The following FER variants were observed in gnomAD, a reference collection of about 807,000 sequenced individuals.
FER encodes FER tyrosine kinase.
A neutral mutation model predicts 111.0 loss-of-function variants in FER; 63 were observed. The ratio of observed to expected loss-of-function variants is 0.57; its 90% CI spans 0.46 to 0.70. The LOEUF (loss-of-function observed/expected upper bound fraction) is 0.70, where lower values mean the gene tolerates loss of function less well. Ranked by LOEUF, FER falls within the 30% of genes least tolerant of loss-of-function variation. FER has a pLI of 0.00. For missense variants in FER, 914 were observed against 954.0 expected, an observed-to-expected ratio of 0.96 and a Z score of 0.55; for synonymous variants, 327 against 313.9, an observed-to-expected ratio of 1.04 and a Z score of -0.44.
intron 13 of FER, among the ~76,000 whole-genome samples, chr5:108,992,208 T>A (rs1051933756): frequency 1.3e-5 from 2 of 152,210 alleles, no homozygotes; most frequent in African/African-American, 2.4e-5. Context: ...GTCACAGATC[T>A]ACAGGATCCC....
chr5:109,066,428 T>C (rs1561850281), intron 16 of FER, among the ~76,000 whole-genome samples: 1 of 152,194 alleles, frequency 6.6e-6, no homozygotes, highest in African/African-American at 2.4e-5. Flanking sequence ...TAGCACAAAA[T>C]TTATAAATAT....
intron 5 of FER, among the ~76,000 whole-genome samples, chr5:108,855,815 G>A (rs918686271): frequency 3.3e-5 from 5 of 152,074 alleles, no homozygotes; most frequent in African/African-American, 4.8e-5. Context: ...GTAGTACAGG[G>A]AAAACCCTAA....
In FER at chr5:109,139,350, C is replaced by CTTTTTTTTTTT. The variant is rs59092426; in HGVS notation, c.2048+38839_2048+38849dup. Among the ~76,000 whole-genome samples the CTTTTTTTTTTT allele has an allele frequency of 9.2e-4, 84 of 91,084 alleles. 1 individual carries two copies. The highest frequency in any genetic ancestry group is 5.4e-3 in the Middle Eastern group (1 of 186). The allele number at this position is 91,084 out of a possible 152,430, so 59.8% of individuals were successfully genotyped here. A position where few individuals can be genotyped will look rare whatever the true frequency, so the allele number is the denominator to read the frequency against. ...TGTCTTTACTTCTCCTTCTTTCTTT[C>CTTTTTTTTTTT]TTTTTTTTTTTTTTTTTTGAGGCAG... On this transcript the variant is annotated intron_variant, in intron 17 of 19. Transcript: ENST00000281092.
chr5:108,801,680 G>A (rs771217851), intron 3 of FER, among the ~76,000 whole-genome samples: 1 of 152,070 alleles, frequency 6.6e-6, no homozygotes, highest in Non-Finnish European at 1.5e-5. Context: ...TTTCACAGTT[G>A]CATGGATAGA....
chr5:108,946,370 G>A, intron 11 of FER, 148 bp downstream of exon 11: 2 of 510,648 alleles, frequency 3.9e-6, no homozygotes, highest in South Asian at 3.8e-5. Flanking sequence ...AAAGATAAGT[G>A]CATAATTTAA....
intron 16 of FER, among the ~76,000 whole-genome samples, chr5:109,064,621 T>C (rs905070405): frequency 6.6e-6 from 1 of 152,178 alleles, no homozygotes; most frequent in African/African-American, 2.4e-5. Flanking sequence ...CTGAGTAGTA[T>C]TACTCGTAGG....
At chr5:109,041,880 G>A (rs188031598) in intron 14 of FER, among the ~76,000 whole-genome samples, 49 of 152,244 alleles carry the variant, frequency 3.2e-4, no homozygotes, top group African/African-American at 9.9e-4. Context: ...AGAACACTGT[G>A]TTCTATCTGC....
chr5:108,948,820 G>C (rs1757350415), intron 11 of FER, among the ~76,000 whole-genome samples: 1 of 152,012 alleles, frequency 6.6e-6, no homozygotes, highest in Non-Finnish European at 1.5e-5. Context: ...GATATATGGA[G>C]TGAATAATGC....
At chr5:109,109,995 C>A (rs921734727) in intron 17 of FER, among the ~76,000 whole-genome samples, 2 of 152,044 alleles carry the variant, frequency 1.3e-5, no homozygotes, top group Admixed American at 1.3e-4. Context: ...AAGGTTGAAT[C>A]CTTACTCTGG....
At chr5:108,955,708 T>A (rs1385653143) in intron 12 of FER, among the ~76,000 whole-genome samples, 3 of 151,860 alleles carry the variant, frequency 2.0e-5, no homozygotes, top group Admixed American at 6.6e-5. Flanking sequence ...AAGATTGCTA[T>A]CCACAGGATT....
Position 108,883,509 on chromosome 5 carries a change from A to G in FER, c.1037A>G (p.Lys346Arg). Residue 346 changes from lysine to arginine, a missense_variant, in exon 9 of 20, where the codon AAG (lysine) becomes AGG (arginine). Lys to Arg is a conservative substitution (Grantham distance 26). This residue lies in a region of FER where 774 missense variants were observed against 782.6 expected (regional missense o/e 0.99). Coordinates refer to ENST00000281092, the MANE Select transcript of FER (RefSeq NM_005246.4). ...GAAGAATCTTCTGAAACTTGTGAGA[A>G]GAAGTCTGAGTGAGTAAAAGAGAAA... ...RIEESSETCE[K>R]KSDIVLLLSQ... is the part of the protein sequence containing the mutation. 6.2e-7 allele frequency: 1 copy of G among 1,601,502 alleles called. No individual in the cohort carries two copies. The highest frequency in any genetic ancestry group is 8.5e-7 in the Non-Finnish European group (1 of 1,173,440).
chr5:108,849,478 G>GTTA (rs773480769), intron 5 of FER, among the ~76,000 whole-genome samples: 5 of 151,392 alleles, frequency 3.3e-5, no homozygotes, highest in South Asian at 2.1e-4. Context: ...TGTTGTTGTT[G>GTTA]TTTTGTTTTG....
intron 3 of FER, chr5:108,820,228 A>G (rs1292879306): frequency 2.0e-6 from 2 of 985,322 alleles, no homozygotes; most frequent in South Asian, 4.7e-5. Flanking sequence ...TATAAAAGTC[A>G]AGGAGTTTGT....
At chr5:108,772,246 T>C (rs79867009) in intron 2 of FER, among the ~76,000 whole-genome samples, 6,131 of 139,394 alleles carry the variant, frequency 0.044, 178 homozygotes, top group South Asian at 0.12. Flanking sequence ...GGGACACATA[T>C]ATTCAAACCA....
chr5:108,981,807 C>G (rs1478133993), intron 13 of FER, among the ~76,000 whole-genome samples: 1 of 152,048 alleles, frequency 6.6e-6, no homozygotes, highest in Non-Finnish European at 1.5e-5. Context: ...GATTCCAACC[C>G]AGACATTTTG....
chr5:109,119,709 G>C (rs930058743), intron 17 of FER, among the ~76,000 whole-genome samples: 1 of 151,496 alleles, frequency 6.6e-6, no homozygotes, highest in Non-Finnish European at 1.5e-5. Context: ...TGGGTGCATA[G>C]TGTTTGTATT....
intron 9 of FER, among the ~76,000 whole-genome samples, chr5:108,884,610 T>G (rs1407790466): frequency 6.6e-6 from 1 of 151,788 alleles, no homozygotes; most frequent in Non-Finnish European, 1.5e-5. Context: ...CCTTCCCAAC[T>G]GGGTCCTTGT....
At chr5:109,116,238 T>G (rs1389231194) in intron 17 of FER, among the ~76,000 whole-genome samples, 2 of 152,064 alleles carry the variant, frequency 1.3e-5, no homozygotes, top group Non-Finnish European at 2.9e-5. Flanking sequence ...TGGAAACCTG[T>G]GAAATGATGT....
chr5:109,040,529 G>A (rs1771017538), intron 14 of FER, among the ~76,000 whole-genome samples: 1 of 152,140 alleles, frequency 6.6e-6, no homozygotes, highest in Non-Finnish European at 1.5e-5. Context: ...TTAGCAATGA[G>A]AGGATCACTG....
Sources: allele counts gnomAD v4.1 joint callset (sites outside exome capture counted in the v4.1 genomes callset), GRCh38; gene constraint gnomAD v4.1.1; regional missense constraint gnomAD v4.1.1; transcripts MANE v1.5; gene names NCBI Gene and HGNC (gene_info 2026-07-23, HGNC 2026-07-21).